Variants in INTS10 observed in about 807,000 individuals in gnomAD.
INTS10 encodes the protein integrator complex subunit 10, also known as chromosome 8 open reading frame 35.
Under a neutral mutation model 94.4 loss-of-function variants are expected in INTS10, and 44 were observed. That is an observed-to-expected ratio of 0.47 (90% confidence interval 0.37 to 0.60). The LOEUF (loss-of-function observed/expected upper bound fraction) is 0.60. Ranked by LOEUF, INTS10 falls within the 20% of genes least tolerant of loss-of-function variation. INTS10 has a pLI of 0.00. For missense variants in INTS10, 797 were observed against 868.7 expected, an observed-to-expected ratio of 0.92 and a Z score of 1.04; for synonymous variants, 341 against 320.7, an observed-to-expected ratio of 1.06 and a Z score of -0.68.
At chr8:19,832,683 G>T (rs7840243) in intron 11 of INTS10, among the ~76,000 whole-genome samples, 3,541 of 152,244 alleles carry the variant, frequency 0.023, 140 homozygotes, top group African/African-American at 0.081. Flanking sequence ...CGGTAAAAGA[G>T]GATTACTTCT....
chr8:19,838,689 T>C (rs907506194), intron 13 of INTS10, among the ~76,000 whole-genome samples: 11 of 152,166 alleles, frequency 7.2e-5, no homozygotes, highest in African/African-American at 2.7e-4. Flanking sequence ...GTCAAATCCT[T>C]AACAAAATAT....
rs751120585 is a variant in INTS10, at chr8:19,817,488, A to G, written c.-50A>G. 1 of 1,581,400 alleles carries G rather than the reference A, an allele frequency of 6.3e-7. No homozygotes were observed. The highest frequency in any genetic ancestry group is 2.3e-5 in the East Asian group (1 of 43,674). On this transcript the variant is annotated 5_prime_UTR_variant, in exon 1 of 17. Coordinates refer to ENST00000397977, the MANE Select transcript of INTS10 (RefSeq NM_018142.4). ...GCTGCCGTGGCGGCTGAGAGTCCAG[A>G]GCCGGACGTTCCGGCCGCTTCGGGC...
intron 11 of INTS10, among the ~76,000 whole-genome samples, chr8:19,832,489 G>C (rs1374388644): frequency 6.6e-6 from 1 of 152,118 alleles, no homozygotes; most frequent in Non-Finnish European, 1.5e-5. Flanking sequence ...AGGATCACTT[G>C]AGCCCAGGAA....
intron 15 of INTS10, among the ~76,000 whole-genome samples, chr8:19,844,989 C>G (rs2068455485): frequency 6.6e-6 from 1 of 152,024 alleles, no homozygotes; most frequent in African/African-American, 2.4e-5. Flanking sequence ...TCTTAAACTC[C>G]TGGGCTCAAG....
At chr8:19,845,597 T>C in intron 15 of INTS10, 107 bp from the exon 16 acceptor site, 6 of 748,932 alleles carry the variant, frequency 8.0e-6, no homozygotes, top group South Asian at 4.6e-5. Context: ...GCACCTTTTT[T>C]AGTGGGATGG....
chr8:19,824,483 C>T, intron 7 of INTS10: 1 of 196,176 alleles, frequency 5.1e-6, no homozygotes, highest in South Asian at 1.2e-4. Context: ...CAGAGTGAGA[C>T]CCTGTCTCTA....
chr8:19,848,326 CAGT>C (rs1421748484), intron 16 of INTS10, among the ~76,000 whole-genome samples: 4 of 152,252 alleles, frequency 2.6e-5, no homozygotes, highest in African/African-American at 7.2e-5. Flanking sequence ...CAAGCAGGTA[CAGT>C]ACCAACACTG....
At chr8:19,850,417 T>C (rs1408855307) in intron 16 of INTS10, among the ~76,000 whole-genome samples, 2 of 152,196 alleles carry the variant, frequency 1.3e-5, no homozygotes, top group African/African-American at 2.4e-5. Context: ...TGTTTTCCCC[T>C]GTAGTTCTTT....
chr8:19,843,978 G>T lies in INTS10; in HGVS notation c.1720-98G>T. On this transcript the variant is annotated intron_variant, in intron 14 of 16. Transcript: ENST00000397977. This position sits in a 1 kb window ranked among gnomAD's most constrained non-coding sequence, Gnocchi z 4.7. ...CTCTAATGACGTTTATCACACATTT[G>T]CATATACAGCATATTTTTGGAAAGT... is the stretch of plus-strand genomic sequence containing the variant. The T allele has an allele frequency of 1.1e-6, 1 of 877,648 alleles. No homozygotes were observed. Among genetic ancestry groups the T allele is most frequent in the Non-Finnish European group, 1.8e-6 (1 of 565,322 alleles). 54.4% of individuals were successfully genotyped at this position (877,648 alleles called of 1,614,324 possible). A position where few individuals can be genotyped will look rare whatever the true frequency, so the allele number is the denominator to read the frequency against.
Position 19,845,721 on chromosome 8 carries a change from G to C in INTS10, c.1900G>C (p.Glu634Gln). ...NYVTNIDMLEEFAYLRTQEGG... is the reference protein window; with the variant it reads ...NYVTNIDMLEQFAYLRTQEGG... ...GCCTGCAGATATTGATATGCTGGAG[G>C]AATTTGCCTACTTGAGAACTCAGGA... The change falls in exon 16 of 17, where the codon GAA (glutamate) becomes CAA (glutamine). Residue 634 changes from glutamate to glutamine, a missense_variant. Transcript: ENST00000397977. 1 of 1,613,368 alleles carries C rather than the reference G, an allele frequency of 6.2e-7. No individual in the cohort carries two copies. Among genetic ancestry groups the C allele is most frequent in the Non-Finnish European group, 8.5e-7 (1 of 1,179,310 alleles).
At position 19,818,283 on chromosome 8, in the gene INTS10, G is replaced by A. The variant is rs771208425; in HGVS notation, c.138G>A (p.Met46Ile). ...YPADFNIQYEMYTIERNAERT... is the reference protein window; with the variant it reads ...YPADFNIQYEIYTIERNAERT... ...CCTGATGTGTGTTGCAGTATGAGAT[G>A]TACACCATCGAGCGGAATGCAGAGC... The change falls in exon 2 of 17, where the codon ATG becomes ATA. Residue 46 changes from methionine to isoleucine, a missense_variant. Met to Ile is a conservative substitution (Grantham distance 10, BLOSUM62 1). Transcript: ENST00000397977. The A allele has an allele frequency of 8.1e-6, 13 of 1,614,030 alleles. No homozygotes were observed. The highest frequency in any genetic ancestry group is 2.7e-5 in the African/African-American group (2 of 74,916).
chr8:19,840,863 A>G (rs1179599736), intron 13 of INTS10, among the ~76,000 whole-genome samples: 2 of 152,168 alleles, frequency 1.3e-5, no homozygotes, highest in East Asian at 3.9e-4. Flanking sequence ...AGAAACACTA[A>G]TCTAAGGTGT....
At chr8:19,827,315 C>T (rs775546082) in intron 9 of INTS10, among the ~76,000 whole-genome samples, 1 of 152,162 alleles carries the variant, frequency 6.6e-6, no homozygotes, top group Non-Finnish European at 1.5e-5. Flanking sequence ...CCAGCCCAAA[C>T]GAGTCTCCCT....
Position 19,819,572 on chromosome 8 carries a change from G to A in INTS10, c.198-1G>A, listed in dbSNP as rs757454478. 1 of 1,603,400 alleles carries A rather than the reference G, an allele frequency of 6.2e-7. No homozygotes were observed. Among genetic ancestry groups the A allele is most frequent in the Admixed American group, 1.7e-5 (1 of 59,902 alleles). ...ATTTAATGTATTTATTTTAAAAATA[G>A]GTTTGTGAATTTCCCAGACCAGCCG... On this transcript the variant is annotated splice_acceptor_variant, in intron 2 of 16. Coordinates refer to ENST00000397977, the MANE Select transcript of INTS10 (RefSeq NM_018142.4). LOFTEE classifies it high-confidence loss of function.
intron 15 of INTS10, 131 bp from the exon 16 acceptor site, chr8:19,845,573 A>T: frequency 1.5e-6 from 1 of 662,470 alleles, no homozygotes; most frequent in African/African-American, 1.8e-5. Context: ...CCATTTCCTT[A>T]TCAGAGAGAA....
chr8:19,843,973 C>A lies in INTS10; in HGVS notation c.1720-103C>A. On this transcript the variant is annotated intron_variant, in intron 14 of 16. Transcript: ENST00000397977. The surrounding 1 kb of genome is among the most constrained non-coding windows in gnomAD (Gnocchi z 4.7). ...TCTTACTCTAATGACGTTTATCACACATTTGCATATACAGCATATTTTTGG... is the reference window on the plus strand; with the variant it reads ...TCTTACTCTAATGACGTTTATCACAAATTTGCATATACAGCATATTTTTGG... 1.2e-6 allele frequency: 1 copy of A among 835,152 alleles called. No homozygotes were observed. Among genetic ancestry groups the A allele is most frequent in the Non-Finnish European group, 1.9e-6 (1 of 533,252 alleles). The allele number at this position is 835,152 out of a possible 1,614,324, so 51.7% of individuals were successfully genotyped here.
chr8:19,830,017 A>C (rs73206571), intron 9 of INTS10, among the ~76,000 whole-genome samples: 2 of 152,310 alleles, frequency 1.3e-5, no homozygotes, highest in Admixed American at 6.5e-5. Flanking sequence ...TTTGGAAGCC[A>C]ATTAAATCAT....
chr8:19,836,135 A>G (rs148727225), intron 12 of INTS10, among the ~76,000 whole-genome samples: 323 of 152,174 alleles, frequency 2.1e-3, no homozygotes, highest in Middle Eastern at 0.01. Context: ...TTCGGCACAT[A>G]TATCCCAGAA....
At chr8:19,823,568 G>C in intron 6 of INTS10, 127 bp downstream of exon 6, 1 of 713,416 alleles carries the variant, frequency 1.4e-6, no homozygotes, top group South Asian at 1.8e-5. Context: ...TCAAAAGATG[G>C]TATCTAGAAA....
Sources: allele counts gnomAD v4.1 joint callset (sites outside exome capture counted in the v4.1 genomes callset), GRCh38; gene constraint gnomAD v4.1.1; non-coding constraint Gnocchi (gnomAD v3.1); transcripts MANE v1.5; gene names NCBI Gene and HGNC (gene_info 2026-07-23, HGNC 2026-07-21).